The following LITAF variants were observed in gnomAD, a reference collection of about 807,000 sequenced individuals.
LITAF encodes the protein lipopolysaccharide induced TNF factor.
In LITAF, 9 loss-of-function variants were observed where a neutral mutation model predicts 14.5. That is an observed-to-expected ratio of 0.62 (90% CI 0.37 to 1.08). LITAF has a LOEUF of 1.08. Among genes scored for constraint, LITAF ranks in the 50% least tolerant of loss-of-function variants. LITAF has a pLI of 0.01. For synonymous variants in LITAF, 98 were observed against 88.2 expected, an observed-to-expected ratio of 1.11 and a Z score of -0.62; for missense variants, 206 against 213.4, an observed-to-expected ratio of 0.97 and a Z score of 0.22.
intron 3 of LITAF, among the ~76,000 whole-genome samples, chr16:11,604,542 C>CA (rs368550884): frequency 8.5e-4 from 129 of 151,258 alleles, no homozygotes; most frequent in Non-Finnish European, 1.5e-3. Context: ...TGTGATGGCT[C>CA]ACGCTTGTAA....
At chr16:11,631,477 C>T (rs758571568) in intron 3 of LITAF, among the ~76,000 whole-genome samples, 8 of 152,120 alleles carry the variant, frequency 5.3e-5, no homozygotes, top group Non-Finnish European at 1.0e-4. Flanking sequence ...CTCACTACAG[C>T]CACAACCTCC....
chr16:11,628,534 T>G (rs2065098481), intron 3 of LITAF, among the ~76,000 whole-genome samples: 2 of 152,214 alleles, frequency 1.3e-5, no homozygotes, highest in Admixed American at 6.6e-5. Context: ...GTCAAGATCT[T>G]GCTCTGTTGC....
rs2065123631 is a variant in LITAF, at chr16:11,632,672, C to A, written c.85+861G>T. On this transcript the variant is annotated intron_variant, in intron 3 of 3. Coordinates refer to the LITAF transcript ENST00000574848. This position sits in a 1 kb window ranked among gnomAD's most constrained non-coding sequence, Gnocchi z 4.8. ...AAGAACTGATGGCTGGACCCCAGGC[C>A]CAAGGCAGATGCCACCCAGGCCCTT... Among the ~76,000 whole-genome samples, 1 of 152,206 alleles carries A rather than the reference C, an allele frequency of 6.6e-6. No homozygotes were observed. The highest frequency in any genetic ancestry group is 6.5e-5 in the Admixed American group (1 of 15,276).
Position 11,632,428 on chromosome 16 carries a change from T to C in LITAF, c.85+1105A>G, listed in dbSNP as rs1206595960. ...CAGGGAGAGGGACAGAGAGGGCTACTATGCTCCACTGTCTGCTGGAAACCC... is the reference window on the plus strand; with the variant it reads ...CAGGGAGAGGGACAGAGAGGGCTACCATGCTCCACTGTCTGCTGGAAACCC... On this transcript the variant is annotated intron_variant, in intron 3 of 3. Coordinates refer to the LITAF transcript ENST00000574848. This position sits in a 1 kb window ranked among gnomAD's most constrained non-coding sequence, Gnocchi z 4.8. 6.6e-6 allele frequency among the ~76,000 whole-genome samples: 1 copy of C among 151,548 alleles called. No homozygotes were observed. Among genetic ancestry groups the C allele is most frequent in the African/African-American group, 2.4e-5 (1 of 41,240 alleles).
chr16:11,625,175 T>G (rs2065076197), intron 3 of LITAF, among the ~76,000 whole-genome samples: 1 of 151,480 alleles, frequency 6.6e-6, no homozygotes, highest in Non-Finnish European at 1.5e-5. Flanking sequence ...ATTTGGAGAG[T>G]GGAGACAAAG....
chr16:11,566,401 C>G (rs1212621377), intron 1 of LITAF, among the ~76,000 whole-genome samples: 1 of 152,112 alleles, frequency 6.6e-6, no homozygotes, highest in Non-Finnish European at 1.5e-5. Context: ...TCTGGTACTT[C>G]AACAGTTTGT....
intron 3 of LITAF, among the ~76,000 whole-genome samples, chr16:11,550,599 G>T (rs994841988): frequency 1.3e-5 from 2 of 152,142 alleles, no homozygotes; most frequent in Non-Finnish European, 2.9e-5. Flanking sequence ...AGTCTTAGAT[G>T]GGCTTGGTGA....
Position 11,549,616 on chromosome 16 carries a change from C to G in LITAF, c.*21G>C, listed in dbSNP as rs372341839. ...AAAGGACTTCCTGCGGCACCCGGCT[C>G]CCTCCACGTCTGGCTGAGTCCTACA... On this transcript the variant is annotated 3_prime_UTR_variant, in exon 4 of 4. Coordinates refer to ENST00000622633, the MANE Select transcript of LITAF (RefSeq NM_001136472.2). This position sits in a 1 kb window ranked among gnomAD's most constrained non-coding sequence, Gnocchi z 4.6. 1 of 1,580,764 alleles carries G rather than the reference C, an allele frequency of 6.3e-7. No homozygotes were observed. Among genetic ancestry groups the G allele is most frequent in the Non-Finnish European group, 8.7e-7 (1 of 1,152,068 alleles).
At position 11,575,767 on chromosome 16, in the gene LITAF, A is replaced by G. The variant is rs1412616604; in HGVS notation, c.-6+11119T>C. Among the ~76,000 whole-genome samples, 4 of 152,216 alleles carry G rather than the reference A, an allele frequency of 2.6e-5. No individual in the cohort carries two copies. In the East Asian group the frequency reaches 7.7e-4, roughly 29 times the overall value. On this transcript the variant is annotated intron_variant, in intron 1 of 3. Coordinates refer to ENST00000622633, the MANE Select transcript of LITAF (RefSeq NM_001136472.2). ...AACACAAAAAACCAAGTTGAAACAC[A>G]GCAGAAACCCCAGTCTCCATAGCTT...
At chr16:11,594,303 C>T (rs7187399) in intron 1 of LITAF, among the ~76,000 whole-genome samples, 63,662 of 151,602 alleles carry the variant, frequency 0.42, 14,428 homozygotes, top group African/African-American at 0.6. Context: ...CAACTGTATC[C>T]CAATTTTTTT....
chr16:11,585,961 A>C (rs1271585366), intron 1 of LITAF, among the ~76,000 whole-genome samples: 1 of 152,224 alleles, frequency 6.6e-6, no homozygotes, highest in Non-Finnish European at 1.5e-5. Flanking sequence ...TGGCCCTTCC[A>C]GAACATACAC....
chr16:11,613,572 C>T (rs1202070096), intron 3 of LITAF, among the ~76,000 whole-genome samples: 1 of 152,216 alleles, frequency 6.6e-6, no homozygotes, highest in Non-Finnish European at 1.5e-5. Context: ...CCTGCTGATT[C>T]AAACTGGGCT....
intron 2 of LITAF, among the ~76,000 whole-genome samples, chr16:11,554,574 C>T (rs1415151484): frequency 6.6e-6 from 1 of 152,012 alleles, no homozygotes; most frequent in Admixed American, 6.6e-5. Context: ...GCGTGGATCA[C>T]CAGAGGTCAG....
rs2064952153 is a variant in LITAF at position 11,605,740 on chromosome 16, T to A, written c.85+27793A>T. ...ATGATTGCACCACTGCACTCTAGCC[T>A]GGGCAACAGAGTGAGACCCTGTCTC... On this transcript the variant is annotated intron_variant, in intron 3 of 3. Transcript: ENST00000574848. The surrounding 1 kb of genome is among the most constrained non-coding windows in gnomAD (Gnocchi z 4.7). Among the ~76,000 whole-genome samples the A allele has an allele frequency of 1.3e-5, 2 of 152,118 alleles. No individual in the cohort carries two copies.
At chr16:11,638,110 C>A (rs547302363), upstream of LITAF, among the ~76,000 whole-genome samples, 524 of 60,782 alleles carry the variant, frequency 8.6e-3, 107 homozygotes, top group African/African-American at 0.032. Flanking sequence ...ATATATATAT[C>A]TATCTATATA....
chr16:11,562,756 GC>G (rs1326458899), intron 1 of LITAF, among the ~76,000 whole-genome samples: 2 of 152,072 alleles, frequency 1.3e-5, no homozygotes, highest in Non-Finnish European at 2.9e-5. Flanking sequence ...AATTAGCCGG[GC>G]GTTATGGCAG....
intron 1 of LITAF, among the ~76,000 whole-genome samples, chr16:11,585,121 T>C (rs2064787937): frequency 6.6e-6 from 1 of 151,894 alleles, no homozygotes; most frequent in Non-Finnish European, 1.5e-5. Flanking sequence ...GACACTAGAA[T>C]TGCTTGAACT....
In LITAF at chr16:11,556,293, T is replaced by A; in HGVS notation, c.220+218A>T. 7.0e-6 allele frequency: 4 copies of A among 571,640 alleles called. No individual in the cohort carries two copies. The Admixed American group carries it at 1.2e-4, about 18-fold the overall frequency. 35.4% of individuals were successfully genotyped at this position (571,640 alleles called of 1,614,324 possible). A position where few individuals can be genotyped will look rare whatever the true frequency, so the allele number is the denominator to read the frequency against. The stretch of plus-strand genomic sequence containing the variant: ...CCAAAAGATTCGTATATGATGACCA[T>A]GGGAAAGATCCTAAACCATACTTTA... On this transcript the variant is annotated intron_variant, in intron 2 of 3. Transcript: ENST00000622633.
chr16:11,639,788 A>C (rs986699731), upstream of LITAF, among the ~76,000 whole-genome samples: 1 of 152,132 alleles, frequency 6.6e-6, no homozygotes, highest in African/African-American at 2.4e-5. Flanking sequence ...TGAGGTCAGG[A>C]GTTCAAGACC....
Sources: allele counts gnomAD v4.1 joint callset (sites outside exome capture counted in the v4.1 genomes callset), GRCh38; gene constraint gnomAD v4.1.1; non-coding constraint Gnocchi (gnomAD v3.1); transcripts MANE v1.5; gene names NCBI Gene and HGNC (gene_info 2026-07-23, HGNC 2026-07-21).